Variants in ARMC2 observed in about 807,000 individuals in gnomAD.
ARMC2 encodes armadillo repeat-containing protein 2.
Under a neutral mutation model 90.3 loss-of-function variants are expected in ARMC2, and 67 were observed. The ratio of observed to expected loss-of-function variants is 0.74; its 90% CI spans 0.61 to 0.91. ARMC2 has a LOEUF of 0.91. Among genes scored for constraint, ARMC2 ranks in the 40% least tolerant of loss-of-function variants. ARMC2 has a pLI of 0.00. For synonymous variants in ARMC2, 393 were observed against 393.0 expected (o/e 1.00, Z 0.00); for missense variants, 920 against 1,030.9 (o/e 0.89, Z 1.47).
chr6:108,907,933 GT>G, intron 8 of ARMC2: 1 of 1,423,968 alleles, frequency 7.0e-7, no homozygotes, highest in South Asian at 1.2e-5. Context: ...TTTTCTGGGG[GT>G]TTTAAACAAT....
At chr6:108,932,516 CTTTTTTTTTT>C (rs60000198) in intron 11 of ARMC2, among the ~76,000 whole-genome samples, 2 of 77,894 alleles carry the variant, frequency 2.6e-5, no homozygotes, top group Admixed American at 2.0e-4. Context: ...TTCTCCATTG[CTTTTTTTTTT>C]TTTTTTTTTT....
chr6:108,865,287 G>A (rs574448920), intron 3 of ARMC2, among the ~76,000 whole-genome samples: 11 of 152,060 alleles, frequency 7.2e-5, no homozygotes, highest in Non-Finnish European at 1.3e-4. Context: ...CTAGCCCTCA[G>A]GTGAAAATTT....
Position 108,973,485 on chromosome 6 carries a change from C to T in ARMC2, c.2575C>T (p.Leu859=). The change falls in exon 18 of 18, where the codon CTG becomes TTG. Residue 859 remains leucine, a synonymous_variant. Coordinates refer to ENST00000392644, the MANE Select transcript of ARMC2 (RefSeq NM_032131.6). ...LNRIQRHHTF[L]EPLPIPSF Reference sequence around the variant, plus strand: ...CCGAATTCAGAGACATCACACCTTCCTGGAACCCCTGCCCATTCCCTCTTT... The same window carrying T: ...CCGAATTCAGAGACATCACACCTTCTTGGAACCCCTGCCCATTCCCTCTTT... The T allele has an allele frequency of 6.2e-7, 1 of 1,613,340 alleles. No homozygotes were observed. Among genetic ancestry groups the T allele is most frequent in the Non-Finnish European group, 8.5e-7 (1 of 1,179,510 alleles).
intron 13 of ARMC2, 86 bp downstream of exon 13, chr6:108,953,437 G>A (rs990315230): frequency 1.5e-6 from 2 of 1,350,598 alleles, no homozygotes; most frequent in Non-Finnish European, 2.0e-6. Context: ...GTGTGATGAG[G>A]ATTTTATTAT....
intron 3 of ARMC2, among the ~76,000 whole-genome samples, chr6:108,860,873 G>A (rs1156385701): frequency 6.6e-6 from 1 of 152,046 alleles, no homozygotes; most frequent in African/African-American, 2.4e-5. Flanking sequence ...GTTAAAGTCT[G>A]GTTGCTAGCT....
chr6:108,871,486 G>A (rs760196270), intron 4 of ARMC2, among the ~76,000 whole-genome samples: 1 of 152,202 alleles, frequency 6.6e-6, no homozygotes, highest in Non-Finnish European at 1.5e-5. Context: ...GGACCTGGAG[G>A]TGAAGGGCAC....
Position 108,874,847 on chromosome 6 carries a change from AAAG to A in ARMC2, c.464-1292_464-1290del, listed in dbSNP as rs200856177. Among the ~76,000 whole-genome samples, 1,395 of 152,168 alleles carry A rather than the reference AAAG, an allele frequency of 9.2e-3. 26 individuals are homozygous for A. The highest frequency in any genetic ancestry group is 0.032 in the African/African-American group (1,318 of 41,494). On this transcript the variant is annotated intron_variant, in intron 4 of 17. Transcript: ENST00000392644. ...AATTTTCTCATCTTAAAAAAAAAAA[AAAG>A]AAGCCTAGAATCTCTAAGGTTCCTT... is the stretch of plus-strand genomic sequence containing the variant.
chr6:108,905,086 T>C (rs1772543994), intron 8 of ARMC2, among the ~76,000 whole-genome samples: 1 of 152,236 alleles, frequency 6.6e-6, no homozygotes, highest in Admixed American at 6.5e-5. Context: ...ACAATTATTA[T>C]AGAATGTTCT....
At chr6:108,966,271 T>C (rs1778364385) in intron 17 of ARMC2, among the ~76,000 whole-genome samples, 1 of 151,814 alleles carries the variant, frequency 6.6e-6, no homozygotes, top group Non-Finnish European at 1.5e-5. Flanking sequence ...CTCCCAATCC[T>C]GGCTGCAGAG....
At chr6:108,922,193 G>A (rs1406234932) in intron 10 of ARMC2, among the ~76,000 whole-genome samples, 1 of 152,304 alleles carries the variant, frequency 6.6e-6, no homozygotes, top group Non-Finnish European at 1.5e-5. Context: ...AGTAGAGAAC[G>A]CAGGAATGAG....
chr6:108,972,539 A>G (rs1035831951), intron 17 of ARMC2, among the ~76,000 whole-genome samples: 1 of 152,212 alleles, frequency 6.6e-6, no homozygotes, highest in Admixed American at 6.5e-5. Flanking sequence ...TAATTTTTCT[A>G]TGTACACATA....
At chr6:109,006,442 TC>T in the ARMC2 span, among the ~76,000 whole-genome samples, 21 of 106,836 alleles carry the variant, frequency 2.0e-4, no homozygotes, top group South Asian at 6.9e-3. Flanking sequence ...ATGCTATCCC[TC>T]CCCCCACCCC....
chr6:108,907,551 C>T (rs1243033854), intron 8 of ARMC2: 42 of 1,353,280 alleles, frequency 3.1e-5, no homozygotes, highest in South Asian at 1.8e-4. Context: ...AGATTGTGTT[C>T]CTCACAGAGG....
the ARMC2 span, among the ~76,000 whole-genome samples, chr6:109,035,906 T>C: frequency 1.3e-5 from 2 of 152,154 alleles, no homozygotes; most frequent in Non-Finnish European, 2.9e-5. Flanking sequence ...TGCACCACTA[T>C]CACATATTAA....
chr6:108,865,374 A>G (rs185727051), intron 3 of ARMC2, among the ~76,000 whole-genome samples: 2 of 152,336 alleles, frequency 1.3e-5, no homozygotes, highest in African/African-American at 4.8e-5. Flanking sequence ...GTTTTTCTTT[A>G]TAAAAGTCAT....
intron 1 of ARMC2, among the ~76,000 whole-genome samples, chr6:108,849,154 A>G (rs1423244564): frequency 6.6e-6 from 1 of 152,238 alleles, no homozygotes. Flanking sequence ...ATACTTTAAA[A>G]TCATGGAGTG....
At chr6:108,961,484 T>C in intron 13 of ARMC2, 88 bp from the exon 14 acceptor site, 1 of 1,420,562 alleles carries the variant, frequency 7.0e-7, no homozygotes, top group Non-Finnish European at 9.4e-7. Flanking sequence ...CGCAGCCGGC[T>C]CCTGGCCCTG....
intron 2 of ARMC2, among the ~76,000 whole-genome samples, chr6:108,854,760 A>G (rs1404923101): frequency 6.6e-6 from 1 of 152,180 alleles, no homozygotes; most frequent in African/African-American, 2.4e-5. Context: ...CAAAGGCTGT[A>G]GTTCACATTG....
the ARMC2 span, among the ~76,000 whole-genome samples, chr6:108,985,097 TTC>T: frequency 6.6e-6 from 1 of 152,202 alleles, no homozygotes; most frequent in Non-Finnish European, 1.5e-5. Flanking sequence ...CTAGTAACAT[TTC>T]TGATTCATGT....
Sources: allele counts gnomAD v4.1 joint callset (sites outside exome capture counted in the v4.1 genomes callset), GRCh38; gene constraint gnomAD v4.1.1; transcripts MANE v1.5; gene names NCBI Gene and HGNC (gene_info 2026-07-23, HGNC 2026-07-21).